The following MXI1 variants were observed in gnomAD, a reference collection of about 807,000 sequenced individuals.
The protein encoded by MXI1 is MAX interactor 1, dimerization protein.
MXI1 carries 18 observed loss-of-function variants against 36.9 expected under a neutral mutation model. The ratio of observed to expected loss-of-function variants is 0.49; its 90% CI spans 0.34 to 0.72. MXI1 has a LOEUF of 0.72. Among genes scored for constraint, MXI1 ranks in the 30% least tolerant of loss-of-function variants. MXI1 has a pLI of 0.01. For synonymous variants in MXI1, 160 were observed against 146.7 expected (o/e 1.09, Z -0.65); for missense variants, 304 against 379.1 (o/e 0.80, Z 1.64).
At position 110,228,329 on chromosome 10, in the gene MXI1, G is replaced by T; in HGVS notation, c.407+8G>T. On this transcript the variant is annotated splice_region_variant and intron_variant, in intron 2 of 5. Transcript: ENST00000332674. ...CACCAGCACTGCCAACAGGTAGCAA[G>T]CTGGGAACGCTTAGAAGAGGGAACT... 1 of 1,614,064 alleles carries T rather than the reference G, an allele frequency of 6.2e-7. No homozygotes were observed. The highest frequency in any genetic ancestry group is 8.5e-7 in the Non-Finnish European group (1 of 1,180,008).
At chr10:110,268,308 A>G (rs997530311) in intron 3 of MXI1, among the ~76,000 whole-genome samples, 1 of 152,216 alleles carries the variant, frequency 6.6e-6, no homozygotes. Context: ...AATGGTATTG[A>G]GCTGAGGCTG....
chr10:110,268,551 A>G (rs1252593849), intron 3 of MXI1, among the ~76,000 whole-genome samples: 1 of 152,182 alleles, frequency 6.6e-6, no homozygotes, highest in Non-Finnish European at 1.5e-5. Flanking sequence ...GAAGGGTTTT[A>G]AAAAATAAAG....
chr10:110,216,665 G>GTTTTTTTTTTGTTTTTTTTTTTTTTTTTT (rs1854645560), intron 1 of MXI1, among the ~76,000 whole-genome samples: 1 of 79,060 alleles, frequency 1.3e-5, no homozygotes, highest in African/African-American at 8.0e-5. Context: ...TGTGTTTAAT[G>GTTTTTTTTTTGTTTTTTTTTTTTTTTTTT]TTTTTTTTTT....
chr10:110,228,238 A>C lies in MXI1; in HGVS notation c.324A>C (p.Arg108=). 6.2e-7 allele frequency: 1 copy of C among 1,614,028 alleles called. No individual in the cohort carries two copies. Among genetic ancestry groups the C allele is most frequent in the Non-Finnish European group, 8.5e-7 (1 of 1,179,982 alleles). The part of the protein sequence containing the change: ...ASSFPSMPSP[R]LQHSKPPRRL... ...CATTCCCGTCCATGCCGAGCCCCCG[A>C]CTGCAGCATTCAAAGCCCCCACGGA... Residue 108 remains arginine, a synonymous_variant, in exon 2 of 6, where the codon CGA becomes CGC. Coordinates refer to ENST00000332674, the MANE Select transcript of MXI1 (RefSeq NM_130439.3).
intron 4 of MXI1, 94 bp from the exon 5 acceptor site, chr10:110,279,820 T>C (rs1456005683): frequency 1.2e-6 from 1 of 854,652 alleles, no homozygotes; most frequent in East Asian, 2.8e-5. Flanking sequence ...CTCACACATG[T>C]ATATTCATTC....
At chr10:110,255,584 T>C (rs1211467213) in intron 3 of MXI1, among the ~76,000 whole-genome samples, 2 of 152,112 alleles carry the variant, frequency 1.3e-5, no homozygotes, top group Non-Finnish European at 2.9e-5. Context: ...AAGAATAAAA[T>C]ACCTAGGAAT....
chr10:110,221,499 G>C (rs775924698), intron 1 of MXI1, among the ~76,000 whole-genome samples: 8 of 152,236 alleles, frequency 5.3e-5, no homozygotes, highest in Non-Finnish European at 1.0e-4. Context: ...AAGCCGCTTA[G>C]ATGTGCATGT....
At chr10:110,283,239 G>A (rs1482571459) in intron 5 of MXI1, among the ~76,000 whole-genome samples, 1 of 150,640 alleles carries the variant, frequency 6.6e-6, no homozygotes, top group Non-Finnish European at 1.5e-5. Flanking sequence ...GCTTCACCCT[G>A]TCCTTTTGGC....
At chr10:110,224,270 C>G (rs553262075) in intron 1 of MXI1, among the ~76,000 whole-genome samples, 4 of 152,178 alleles carry the variant, frequency 2.6e-5, no homozygotes, top group Admixed American at 2.0e-4. Context: ...TATGTTTGCA[C>G]GGTTCCCAGC....
At chr10:110,210,130 G>C (rs1009755329) in intron 1 of MXI1, 55 of 438,612 alleles carry the variant, frequency 1.3e-4, no homozygotes, top group Non-Finnish European at 1.5e-4. Context: ...CGTAAGCAGA[G>C]AGCCGGGCGC....
At chr10:110,208,747 C>G (rs1590316437) in intron 1 of MXI1, among the ~76,000 whole-genome samples, 1 of 148,608 alleles carries the variant, frequency 6.7e-6, no homozygotes, top group Non-Finnish European at 1.5e-5. Context: ...GCCGCCCCCC[C>G]CCCCCCAAAG....
intron 2 of MXI1, among the ~76,000 whole-genome samples, chr10:110,238,014 G>GA (rs938342465): frequency 2.6e-5 from 4 of 152,162 alleles, no homozygotes; most frequent in Non-Finnish European, 5.9e-5. Flanking sequence ...GACACAGAGA[G>GA]AGAGGTCTGG....
chr10:110,222,920 G>A (rs1039746643), intron 1 of MXI1, among the ~76,000 whole-genome samples: 2 of 152,186 alleles, frequency 1.3e-5, no homozygotes, highest in Non-Finnish European at 2.9e-5. Flanking sequence ...GGCAGCCAGC[G>A]CAGGGAGAAG....
chr10:110,223,057 G>A (rs766998869), intron 1 of MXI1, among the ~76,000 whole-genome samples: 18 of 152,192 alleles, frequency 1.2e-4, no homozygotes, highest in Non-Finnish European at 2.6e-4. Context: ...GGTGAGTCTC[G>A]CTCTACTTTC....
chr10:110,254,473 G>C (rs1302540515), intron 3 of MXI1, among the ~76,000 whole-genome samples: 1 of 152,126 alleles, frequency 6.6e-6, no homozygotes, highest in African/African-American at 2.4e-5. Context: ...AAGTGTTCAA[G>C]TGAAACAAAG....
intron 1 of MXI1, chr10:110,227,719 C>T (rs112148911): frequency 0.054 from 11,744 of 215,896 alleles, 464 homozygotes; most frequent in Middle Eastern, 0.15. Flanking sequence ...AGAGATGGCG[C>T]AGAAAGACCA....
At chr10:110,279,350 G>C (rs1235206632) in intron 4 of MXI1, 56 bp downstream of exon 4, 1 of 1,408,108 alleles carries the variant, frequency 7.1e-7, no homozygotes, top group East Asian at 2.3e-5. Context: ...TTTAATTATT[G>C]GCACTGATTC....
chr10:110,212,942 C>G (rs1369616061), intron 1 of MXI1, among the ~76,000 whole-genome samples: 1 of 152,120 alleles, frequency 6.6e-6, no homozygotes, highest in Non-Finnish European at 1.5e-5. Context: ...TGCATGTTAC[C>G]CATTGCATAT....
chr10:110,215,999 C>T (rs754702326), intron 1 of MXI1, among the ~76,000 whole-genome samples: 2 of 152,220 alleles, frequency 1.3e-5, no homozygotes, highest in Non-Finnish European at 2.9e-5. Flanking sequence ...TGTCATTGTA[C>T]CCGAGTGGCC....
Sources: allele counts gnomAD v4.1 joint callset (sites outside exome capture counted in the v4.1 genomes callset), GRCh38; gene constraint gnomAD v4.1.1; transcripts MANE v1.5; gene names NCBI Gene and HGNC (gene_info 2026-07-23, HGNC 2026-07-21).